LIPG: variants seen among roughly 807,000 people sequenced by gnomAD.
The protein encoded by LIPG is endothelial lipase.
LIPG carries 34 observed loss-of-function variants against 51.8 expected under a neutral mutation model. That is an observed-to-expected ratio of 0.66 (90% CI 0.50 to 0.87). The LOEUF is 0.87. Ranked by LOEUF, LIPG falls within the 40% of genes least tolerant of loss-of-function variation. The pLI is 0.00. For synonymous variants in LIPG, 246 were observed against 246.1 expected, an observed-to-expected ratio of 1.00 and a Z score of 0.00; for missense variants, 580 against 652.7, an observed-to-expected ratio of 0.89 and a Z score of 1.21.
At chr18:49,579,369 G>A (rs1438109578) in intron 5 of LIPG, among the ~76,000 whole-genome samples, 1 of 151,370 alleles carries the variant, frequency 6.6e-6, no homozygotes, top group South Asian at 2.1e-4. Context: ...TTCCCAGGTT[G>A]GAAACAAATG....
intron 2 of LIPG, among the ~76,000 whole-genome samples, chr18:49,565,831 C>T (rs375908253): frequency 2.0e-5 from 3 of 152,140 alleles, no homozygotes; most frequent in African/African-American, 2.4e-5. Flanking sequence ...GCTGTCCTGC[C>T]GTGAGAGCTG....
chr18:49,582,353 T>C lies in LIPG; in HGVS notation c.1037-9T>C. ...GGTTACAAGCATCTTTGTTCTGCTG[T>C]CACTGCAGTTTACCATTATCAGATG... On this transcript the variant is annotated splice_polypyrimidine_tract_variant and intron_variant, in intron 6 of 9. Coordinates refer to ENST00000261292, the MANE Select transcript of LIPG (RefSeq NM_006033.4). 6.2e-7 allele frequency: 1 copy of C among 1,614,196 alleles called. No homozygotes were observed.
At chr18:49,572,982 C>T (rs1259296981) in intron 4 of LIPG, among the ~76,000 whole-genome samples, 1 of 152,128 alleles carries the variant, frequency 6.6e-6, no homozygotes, top group African/African-American at 2.4e-5. Flanking sequence ...CCACTGTACC[C>T]CTGAATCTGT....
intron 6 of LIPG, 23 bp downstream of exon 6, chr18:49,581,680 T>TC: frequency 1.2e-6 from 2 of 1,610,372 alleles, no homozygotes; most frequent in Non-Finnish European, 1.7e-6. Flanking sequence ...CCCTGGAGTG[T>TC]CCCTGAGGAA....
chr18:49,590,173 T>TTGTGTGTGTGTGTG (rs57137391), intron 9 of LIPG: 82 of 371,966 alleles, frequency 2.2e-4, no homozygotes, highest in Non-Finnish European at 2.6e-4. Context: ...GTGTCCATGA[T>TTGTGTGTGTGTGTG]TGTGTGTGTG....
At chr18:49,580,581 T>C (rs1299420740) in intron 5 of LIPG, among the ~76,000 whole-genome samples, 1 of 152,232 alleles carries the variant, frequency 6.6e-6, no homozygotes, top group East Asian at 1.9e-4. Flanking sequence ...TGAGGATCAC[T>C]TGAGCCCAGG....
rs1424837379 is a variant in LIPG, at chr18:49,562,082, G to T, written c.-227G>T. The T allele has an allele frequency of 6.9e-7, 1 of 1,441,588 alleles. No homozygotes were observed. The highest frequency in any genetic ancestry group is 9.0e-7 in the Non-Finnish European group (1 of 1,105,688). 89.3% of individuals were successfully genotyped at this position (1,441,588 alleles called of 1,614,324 possible). The stretch of plus-strand genomic sequence containing the variant: ...AGCAGCGAGTCCTTGCCTCCCGGCG[G>T]CTCAGGACGAGGGCAGATCTCGTTC... On this transcript the variant is annotated 5_prime_UTR_variant, in exon 1 of 10. Coordinates refer to ENST00000261292, the MANE Select transcript of LIPG (RefSeq NM_006033.4).
rs2084934775 is a variant in LIPG, at chr18:49,590,812, C to G, written c.*290C>G. ...GTAAGCAGCTGGGTGCCTGGGGCCT[C>G]TCGTGCACACTGGATTGGTTTCTCA... On this transcript the variant is annotated 3_prime_UTR_variant, in exon 10 of 10. Transcript: ENST00000261292. 1.1e-5 allele frequency: 6 copies of G among 526,490 alleles called. No homozygotes were observed. In the South Asian group the frequency reaches 1.2e-4, roughly 11 times the overall value. 32.6% of individuals were successfully genotyped at this position (526,490 alleles called of 1,614,324 possible).
At chr18:49,581,306 C>T in intron 5 of LIPG, 109 bp from the exon 6 acceptor site, 1 of 1,445,330 alleles carries the variant, frequency 6.9e-7, no homozygotes, top group South Asian at 1.2e-5. Flanking sequence ...AAAATACTAA[C>T]AGCAACAATA....
intron 5 of LIPG, among the ~76,000 whole-genome samples, chr18:49,578,262 C>T (rs1378786211): frequency 1.4e-5 from 2 of 145,570 alleles, no homozygotes; most frequent in Non-Finnish European, 3.0e-5. Flanking sequence ...CCTCACTTCT[C>T]AGACGGGGTG....
rs1266539167 is a variant in LIPG at position 49,592,339 on chromosome 18, G to A, written c.*1817G>A. The A allele has an allele frequency of 6.6e-6, 1 of 152,144 alleles. No individual in the cohort carries two copies. Among genetic ancestry groups the A allele is most frequent in the African/African-American group, 2.4e-5 (1 of 41,436 alleles). 9.4% of individuals were successfully genotyped at this position (152,144 alleles called of 1,614,324 possible). Reference sequence around the variant, plus strand: ...TTATCCAAAATGCTTGGAACCAGAAGTGTTTCAAATTTTAGATTATTTTCA... The same window carrying A: ...TTATCCAAAATGCTTGGAACCAGAAATGTTTCAAATTTTAGATTATTTTCA... On this transcript the variant is annotated 3_prime_UTR_variant, in exon 10 of 10. Transcript: ENST00000261292.
chr18:49,583,872 C>T (rs1430390753), intron 8 of LIPG, 98 bp downstream of exon 8: 6 of 1,102,872 alleles, frequency 5.4e-6, no homozygotes, highest in Admixed American at 2.2e-5. Flanking sequence ...ACCCTCAATC[C>T]TTCCCTCCAG....
chr18:49,572,768 C>T (rs1206694811), intron 4 of LIPG, among the ~76,000 whole-genome samples: 1 of 150,652 alleles, frequency 6.6e-6, no homozygotes, highest in Non-Finnish European at 1.5e-5. Context: ...CGTTGAACTA[C>T]AGCAGGCCCT....
chr18:49,582,407 T>C lies in LIPG; in HGVS notation c.1082T>C (p.Met361Thr), dbSNP rs115921646. The change falls in exon 7 of 10, where the codon ATG becomes ACG. Residue 361 changes from methionine to threonine, a missense_variant. Met to Thr is a moderately conservative substitution (Grantham distance 81). Transcript: ENST00000261292. ...ATCCATGTCTTCAGTTACAAGAACATGGGAGAAATTGAGCCCACCTTTTAC... is the reference window on the plus strand; with the variant it reads ...ATCCATGTCTTCAGTTACAAGAACACGGGAGAAATTGAGCCCACCTTTTAC... The part of the protein sequence containing the change: ...MKIHVFSYKN[M>T]GEIEPTFYVT... 379 of 1,614,130 alleles carry C rather than the reference T, an allele frequency of 2.3e-4. No homozygotes were observed. In the African/African-American group the frequency reaches 4.1e-3, roughly 17 times the overall value.
chr18:49,566,811 A>G (rs1394050907), intron 2 of LIPG, among the ~76,000 whole-genome samples: 2 of 152,328 alleles, frequency 1.3e-5, no homozygotes, highest in East Asian at 3.9e-4. Flanking sequence ...GCCTGCCTGT[A>G]ACAGGGACTC....
rs1349265030 is a variant in LIPG at position 49,583,690 on chromosome 18, G to A, written c.1292G>A (p.Arg431His). Reference protein sequence around the residue: ...QSWYNLWKEFRSYLSQPRNPG... With the variant: ...QSWYNLWKEFHSYLSQPRNPG... Reference sequence around the variant, plus strand: ...TGGTACAACCTGTGGAAGGAGTTTCGCAGCTACCTGTCTCAACCCCGCAAC... The same window carrying A: ...TGGTACAACCTGTGGAAGGAGTTTCACAGCTACCTGTCTCAACCCCGCAAC... Residue 431 changes from arginine (R) to histidine (H), a missense_variant, in exon 8 of 10, where the codon CGC (arginine) becomes CAC (histidine). Coordinates refer to ENST00000261292, the MANE Select transcript of LIPG (RefSeq NM_006033.4). 6.8e-6 allele frequency: 11 copies of A among 1,614,056 alleles called. No homozygotes were observed. Among genetic ancestry groups the A allele is most frequent in the South Asian group, 3.3e-5 (3 of 91,082 alleles).
chr18:49,578,558 G>A lies in LIPG; in HGVS notation c.794-2857G>A, dbSNP rs1436734307. 6.7e-5 allele frequency among the ~76,000 whole-genome samples: 10 copies of A among 149,036 alleles called. No homozygotes were observed. In the East Asian group the frequency reaches 1.8e-3, roughly 27 times the overall value. ...TCCAGACTGGGCAGCCAGGCAGAGGGGCTCCTCACATCCCAGACGATGGGC... is the reference window on the plus strand; with the variant it reads ...TCCAGACTGGGCAGCCAGGCAGAGGAGCTCCTCACATCCCAGACGATGGGC... On this transcript the variant is annotated intron_variant, in intron 5 of 9. Transcript: ENST00000261292.
At chr18:49,579,381 T>G (rs890632357) in intron 5 of LIPG, among the ~76,000 whole-genome samples, 2 of 151,916 alleles carry the variant, frequency 1.3e-5, no homozygotes, top group African/African-American at 4.8e-5. Flanking sequence ...AAACAAATGA[T>G]CCTCCTGCCT....
intron 5 of LIPG, among the ~76,000 whole-genome samples, chr18:49,578,555 AG>A (rs1333863606): frequency 1.3e-5 from 2 of 149,388 alleles, no homozygotes; most frequent in Non-Finnish European, 3.0e-5. Flanking sequence ...AGCCAGGCAG[AG>A]GGGCTCCTCA....
Sources: allele counts gnomAD v4.1 joint callset (sites outside exome capture counted in the v4.1 genomes callset), GRCh38; gene constraint gnomAD v4.1.1; transcripts MANE v1.5; gene names NCBI Gene and HGNC (gene_info 2026-07-23, HGNC 2026-07-21).